The following GMPS variants were observed in gnomAD, a reference collection of about 807,000 sequenced individuals.
The protein encoded by GMPS is guanosine monophosphate synthase.
Under a neutral mutation model 77.9 loss-of-function variants are expected in GMPS, and 15 were observed. That is an observed-to-expected ratio of 0.19 (90% CI 0.13 to 0.30). GMPS has a LOEUF of 0.30. Among genes scored for constraint, GMPS ranks in the 10% least tolerant of loss-of-function variants. GMPS has a pLI of 1.00. For synonymous variants in GMPS, 224 were observed against 275.9 expected (o/e 0.81, Z 1.86); for missense variants, 590 against 838.8 (o/e 0.70, Z 3.66).
chr3:155,927,637 GCATTTTATT>G (rs1301270148), intron 12 of GMPS, among the ~76,000 whole-genome samples: 1 of 152,072 alleles, frequency 6.6e-6, no homozygotes, highest in Admixed American at 6.6e-5. Flanking sequence ...GTATAACAAT[GCATTTTATT>G]TTCTAAATAC....
upstream of GMPS, among the ~76,000 whole-genome samples, chr3:155,869,968 A>G (rs904851491): frequency 6.6e-6 from 1 of 152,148 alleles, no homozygotes; most frequent in African/African-American, 2.4e-5. Flanking sequence ...CTTCCCCACA[A>G]ACAATTCCAA....
At chr3:155,892,757 C>G (rs1312728527) in intron 1 of GMPS, among the ~76,000 whole-genome samples, 1 of 152,120 alleles carries the variant, frequency 6.6e-6, no homozygotes, top group African/African-American at 2.4e-5. Context: ...TCAGCCTCCC[C>G]AGTAGCTGGG....
At chr3:155,875,066 G>T (rs1456809760) in intron 1 of GMPS, among the ~76,000 whole-genome samples, 1 of 151,630 alleles carries the variant, frequency 6.6e-6, no homozygotes, top group Non-Finnish European at 1.5e-5. Flanking sequence ...TTACAGGCGT[G>T]TGCCACCACA....
intron 13 of GMPS, 48 bp from the exon 14 acceptor site, chr3:155,934,868 T>G: frequency 8.1e-7 from 1 of 1,238,454 alleles, no homozygotes; most frequent in East Asian, 2.3e-5. Flanking sequence ...ATGTAATTTC[T>G]ACATTTGAAA....
At chr3:155,883,097 A>G (rs1392793308) in intron 1 of GMPS, among the ~76,000 whole-genome samples, 3 of 152,260 alleles carry the variant, frequency 2.0e-5, no homozygotes, top group East Asian at 3.9e-4. Context: ...TTTGAGACAG[A>G]GTCTCACTCT....
intron 1 of GMPS, among the ~76,000 whole-genome samples, chr3:155,874,858 T>C (rs1754001168): frequency 6.6e-6 from 1 of 151,522 alleles, no homozygotes; most frequent in Admixed American, 6.6e-5. Context: ...CTACCCAGAA[T>C]AATCAAATTT....
At chr3:155,890,024 T>A (rs1354073946) in intron 1 of GMPS, among the ~76,000 whole-genome samples, 4 of 152,248 alleles carry the variant, frequency 2.6e-5, no homozygotes, top group African/African-American at 7.2e-5. Flanking sequence ...TATCAAACTT[T>A]ACAACTGTGT....
At position 155,935,178 on chromosome 3, in the gene GMPS, T is replaced by C. The variant is rs1051303252; in HGVS notation, c.1807+132T>C. On this transcript the variant is annotated intron_variant, in intron 14 of 15. Coordinates refer to ENST00000496455, the MANE Select transcript of GMPS (RefSeq NM_003875.3). ...ATTATTTAAATCTTTGAATGTTCTATGATGTTGCTTTTTTTTCTTGAGACG... is the reference window on the plus strand; with the variant it reads ...ATTATTTAAATCTTTGAATGTTCTACGATGTTGCTTTTTTTTCTTGAGACG... 2.1e-4 allele frequency: 147 copies of C among 709,718 alleles called. 1 individual carries two copies. The Middle Eastern group carries it at 2.2e-3, about 11-fold the overall frequency. The allele number at this position is 709,718 out of a possible 1,614,324, so 44.0% of individuals were successfully genotyped here. A position where few individuals can be genotyped will look rare whatever the true frequency, so the allele number is the denominator to read the frequency against.
At position 155,911,826 on chromosome 3, in the gene GMPS, C is replaced by T. The variant is rs374343196; in HGVS notation, c.886+547C>T. Among the ~76,000 whole-genome samples, 100 of 143,232 alleles carry T rather than the reference C, an allele frequency of 7.0e-4. No homozygotes were observed. In the South Asian group the frequency reaches 7.4e-3, roughly 11 times the overall value. 94.0% of individuals were successfully genotyped at this position (143,232 alleles called of 152,430 possible). On this transcript the variant is annotated intron_variant, in intron 7 of 15. Coordinates refer to ENST00000496455, the MANE Select transcript of GMPS (RefSeq NM_003875.3). ...TGCACTCCAGCCTGGGCAACAAGAG[C>T]GAAACTCCATCTCAAAAAAAAAAAA...
rs201644213 is a variant in GMPS, at chr3:155,931,673, C to CTT, written c.1561-83_1561-82dup. On this transcript the variant is annotated intron_variant, in intron 12 of 15. Transcript: ENST00000496455. The stretch of plus-strand genomic sequence containing the variant: ...TAAGATATTTTTCAATGCATCTTTT[C>CTT]TTTTTTTTTTAAAAAAAAAAAAAAG... The CTT allele has an allele frequency of 3.5e-4, 165 of 468,548 alleles. 1 individual carries two copies. The highest frequency in any genetic ancestry group is 1.4e-3 in the South Asian group (50 of 34,642). The allele number at this position is 468,548 out of a possible 1,614,324, so 29.0% of individuals were successfully genotyped here.
intron 5 of GMPS, 137 bp from the exon 6 acceptor site, chr3:155,910,555 C>G (rs920662618): frequency 2.5e-5 from 11 of 440,062 alleles, no homozygotes; most frequent in Middle Eastern, 1.3e-3. Context: ...AGCGACAGAG[C>G]AAGACTCTGT....
At chr3:155,903,420 A>G (rs1754780493) in intron 3 of GMPS, among the ~76,000 whole-genome samples, 1 of 152,236 alleles carries the variant, frequency 6.6e-6, no homozygotes, top group African/African-American at 2.4e-5. Context: ...CTTTGGAGCC[A>G]AAGACTAAAT....
rs578139344 is a variant in GMPS, at chr3:155,924,568, G to A, written c.1435-673G>A. ...AAATAGAGGATTTAACTTCAAAACC[G>A]GTAAAGAGGAAATAAATGAGCTGGG... On this transcript the variant is annotated intron_variant, in intron 11 of 15. Transcript: ENST00000496455. Among the ~76,000 whole-genome samples the A allele has an allele frequency of 3.9e-5, 6 of 152,026 alleles. No homozygotes were observed. In the South Asian group the frequency reaches 6.2e-4, roughly 16 times the overall value.
At chr3:155,927,635 A>G (rs1755490826) in intron 12 of GMPS, among the ~76,000 whole-genome samples, 3 of 152,236 alleles carry the variant, frequency 2.0e-5, no homozygotes, top group African/African-American at 4.8e-5. Flanking sequence ...TAGTATAACA[A>G]TGCATTTTAT....
intron 1 of GMPS, among the ~76,000 whole-genome samples, chr3:155,886,113 G>T (rs1265775941): frequency 6.6e-6 from 1 of 151,954 alleles, no homozygotes; most frequent in African/African-American, 2.4e-5. Flanking sequence ...GAGCTATGGC[G>T]CTCAGCCTTC....
chr3:155,887,240 A>C (rs1204141323), intron 1 of GMPS, among the ~76,000 whole-genome samples: 1 of 152,162 alleles, frequency 6.6e-6, no homozygotes, highest in Non-Finnish European at 1.5e-5. Context: ...AGGGGAAGTC[A>C]CTGTAAGGTT....
intron 7 of GMPS, 21 bp from the exon 8 acceptor site, chr3:155,914,398 C>T (rs770608561): frequency 1.4e-5 from 21 of 1,495,562 alleles, no homozygotes; most frequent in Middle Eastern, 1.8e-4. Context: ...CAATTTAAAA[C>T]GCTTCTCCCC....
intron 11 of GMPS, among the ~76,000 whole-genome samples, chr3:155,923,219 TAAC>T (rs1046272333): frequency 4.0e-5 from 6 of 151,554 alleles, no homozygotes; most frequent in Admixed American, 3.3e-4. Context: ...ATGAAAATAA[TAAC>T]TGAAAAACAG....
intron 1 of GMPS, among the ~76,000 whole-genome samples, chr3:155,887,870 G>A (rs896750566): frequency 6.6e-6 from 1 of 152,136 alleles, no homozygotes; most frequent in African/African-American, 2.4e-5. Context: ...TAGATGAAGA[G>A]TGGTGTTTAT....
Sources: gnomAD v4.1 joint callset for allele counts (sites outside exome capture counted in the v4.1 genomes callset) on GRCh38, gnomAD v4.1.1 for gene constraint, MANE v1.5 for transcripts, NCBI Gene and HGNC (gene_info 2026-07-23, HGNC 2026-07-21) for gene names.